Variants in EYA1 observed in about 807,000 individuals in gnomAD.
EYA1 encodes protein phosphatase EYA1.
Under a neutral mutation model 82.0 loss-of-function variants are expected in EYA1, and 16 were observed. The ratio of observed to expected loss-of-function variants is 0.20; its 90% CI spans 0.13 to 0.30. EYA1 has a LOEUF of 0.30. Among genes scored for constraint, EYA1 ranks in the 10% least tolerant of loss-of-function variants. The pLI is 1.00. For missense variants in EYA1, 633 were observed against 730.7 expected (o/e 0.87, Z 1.54); for synonymous variants, 261 against 264.4 (o/e 0.99, Z 0.12).
chr8:71,390,477 G>C (rs1294638784), intron 2 of EYA1, among the ~76,000 whole-genome samples: 1 of 151,992 alleles, frequency 6.6e-6, no homozygotes, highest in Non-Finnish European at 1.5e-5. Context: ...TGCTCAGGCT[G>C]GTTTTGAACT....
chr8:71,330,569 C>T (rs2129043046), intron 4 of EYA1, among the ~76,000 whole-genome samples: 1 of 152,244 alleles, frequency 6.6e-6, no homozygotes, highest in East Asian at 1.9e-4. Context: ...CCACATTATT[C>T]ATGAATCATT....
intron 2 of EYA1, among the ~76,000 whole-genome samples, chr8:71,489,788 C>A (rs948785451): frequency 6.6e-6 from 1 of 152,232 alleles, no homozygotes; most frequent in African/African-American, 2.4e-5. Context: ...TCATAGAGAA[C>A]GACATGTATT....
chr8:71,225,421 C>T (rs747097919), intron 12 of EYA1: 1 of 382,262 alleles, frequency 2.6e-6, no homozygotes, highest in Non-Finnish European at 5.3e-6. Context: ...GGCCTTCACA[C>T]CATGATGCTT....
Position 71,271,774 on chromosome 8 carries a change from G to A in EYA1, c.950C>T (p.Pro317Leu). 2 of 1,614,180 alleles carry A rather than the reference G, an allele frequency of 1.2e-6. No individual in the cohort carries two copies. The highest frequency in any genetic ancestry group is 2.2e-5 in the East Asian group (1 of 44,878). ...GRRNNNPSPP[P>L]DSDLERVFIW... ...ATGACGTACCTCAAGATCAGAATCT[G>A]GGGGAGGTGAAGGATTATTGTTTCT... Residue 317 changes from proline to leucine, a missense_variant, in exon 10 of 18, where the codon CCA becomes CTA. Coordinates refer to ENST00000340726, the MANE Select transcript of EYA1 (RefSeq NM_000503.6).
chr8:71,405,271 C>T (rs1047677646), intron 2 of EYA1, among the ~76,000 whole-genome samples: 1 of 151,214 alleles, frequency 6.6e-6, no homozygotes, highest in African/African-American at 2.4e-5. Flanking sequence ...CAACAACAAA[C>T]AAGAGATGCT....
At chr8:71,413,546 T>G (rs969154429) in intron 2 of EYA1, among the ~76,000 whole-genome samples, 2 of 152,236 alleles carry the variant, frequency 1.3e-5, no homozygotes, top group Admixed American at 6.5e-5. Context: ...TTTATTGCAT[T>G]GGAAATTTAC....
intron 4 of EYA1, among the ~76,000 whole-genome samples, chr8:71,328,519 C>T (rs1317555816): frequency 1.3e-5 from 2 of 152,170 alleles, no homozygotes; most frequent in Non-Finnish European, 2.9e-5. Flanking sequence ...TCAGCTAAGC[C>T]CTTCTCCAAG....
chr8:71,378,366 C>T (rs976627883), intron 2 of EYA1, among the ~76,000 whole-genome samples: 2 of 152,058 alleles, frequency 1.3e-5, no homozygotes, highest in South Asian at 2.1e-4. Flanking sequence ...CTGTTTAAGG[C>T]GGGGTAGGCT....
At chr8:71,276,372 T>A (rs983963258) in intron 9 of EYA1, among the ~76,000 whole-genome samples, 1 of 152,170 alleles carries the variant, frequency 6.6e-6, no homozygotes, top group African/African-American at 2.4e-5. Context: ...TCCAAGCTGA[T>A]AAATTCTAAA....
intron 2 of EYA1, among the ~76,000 whole-genome samples, chr8:71,400,944 T>C (rs1185312220): frequency 6.6e-6 from 1 of 152,192 alleles, no homozygotes. Flanking sequence ...CACCATGGAA[T>C]ACTATGCAGC....
chr8:71,268,877 A>G (rs141291594), intron 11 of EYA1, among the ~76,000 whole-genome samples: 13 of 152,266 alleles, frequency 8.5e-5, no homozygotes, highest in Admixed American at 2.6e-4. Context: ...TAATTCTAAC[A>G]CTTAATTATG....
intron 2 of EYA1, among the ~76,000 whole-genome samples, chr8:71,455,430 C>A (rs1489054645): frequency 6.6e-6 from 1 of 152,156 alleles, no homozygotes; most frequent in Non-Finnish European, 1.5e-5. Flanking sequence ...TACCCTGATA[C>A]CAAAGTCTGG....
In EYA1 at chr8:71,361,826, C is replaced by G; in HGVS notation, c.-234G>C. The G allele has an allele frequency of 1.0e-6, 1 of 985,456 alleles. No homozygotes were observed. The highest frequency in any genetic ancestry group is 1.1e-4 in the East Asian group (1 of 8,798). 61.0% of individuals were successfully genotyped at this position (985,456 alleles called of 1,614,324 possible). On this transcript the variant is annotated 5_prime_UTR_variant, in exon 1 of 18. Transcript: ENST00000340726. Reference sequence around the variant, plus strand: ...CGCCTCTGCAGGGGAAAGCTCGGCGCAGGGGGCAGGCGCCTGGCCGCTGCC... The same window carrying G: ...CGCCTCTGCAGGGGAAAGCTCGGCGGAGGGGGCAGGCGCCTGGCCGCTGCC...
intron 7 of EYA1, among the ~76,000 whole-genome samples, chr8:71,305,710 T>A (rs188222155): frequency 2.8e-4 from 43 of 152,172 alleles, no homozygotes; most frequent in South Asian, 4.1e-4. Flanking sequence ...TATTATTATT[T>A]TTTTTTTGAC....
chr8:71,344,794 A>C (rs1286796058), intron 3 of EYA1, among the ~76,000 whole-genome samples: 4 of 152,248 alleles, frequency 2.6e-5, no homozygotes, highest in Non-Finnish European at 5.9e-5. Flanking sequence ...GAAGATTGGA[A>C]GCAGATGAGC....
At chr8:71,513,387 T>G (rs1460333951) in intron 2 of EYA1, among the ~76,000 whole-genome samples, 1 of 152,120 alleles carries the variant, frequency 6.6e-6, no homozygotes, top group Non-Finnish European at 1.5e-5. Flanking sequence ...TATCAAAAAG[T>G]CAATAGTCTG....
intron 2 of EYA1, among the ~76,000 whole-genome samples, chr8:71,437,351 AG>A (rs1307790336): frequency 1.3e-5 from 2 of 151,946 alleles, no homozygotes; most frequent in Non-Finnish European, 2.9e-5. Context: ...GTACTGTGTT[AG>A]AAAGAGCAGA....
At chr8:71,396,097 C>T (rs189475554) in intron 2 of EYA1, among the ~76,000 whole-genome samples, 2 of 152,134 alleles carry the variant, frequency 1.3e-5, no homozygotes, top group Non-Finnish European at 2.9e-5. Flanking sequence ...TTATAGTATT[C>T]TCTGATGGTA....
chr8:71,306,403 T>C (rs1820742029), intron 7 of EYA1, among the ~76,000 whole-genome samples: 1 of 151,566 alleles, frequency 6.6e-6, no homozygotes, highest in Admixed American at 6.6e-5. Context: ...CAAATCATCA[T>C]TAGTATACTG....
Sources: gnomAD v4.1 joint callset for allele counts (sites outside exome capture counted in the v4.1 genomes callset) on GRCh38, gnomAD v4.1.1 for gene constraint, MANE v1.5 for transcripts, NCBI Gene and HGNC (gene_info 2026-07-23, HGNC 2026-07-21) for gene names.